The following ABCC2 variants were observed in gnomAD, a reference collection of about 807,000 sequenced individuals.
ABCC2 encodes the protein ATP-binding cassette sub-family C member 2.
In ABCC2, 157 loss-of-function variants were observed where a neutral mutation model predicts 173.4. That is an observed-to-expected ratio of 0.91 (90% CI 0.80 to 1.03). ABCC2 has a LOEUF of 1.03. ABCC2 is among the 50% of genes least tolerant of loss of function. The probability of loss-of-function intolerance (pLI) is 0.00; values close to 1 mark genes in which losing one functional copy is unlikely to be tolerated. For synonymous variants in ABCC2, 657 were observed against 693.5 expected (o/e 0.95, Z 0.83); for missense variants, 1,822 against 1,852.3 (o/e 0.98, Z 0.30).
At chr10:99,845,502 A>G (rs2039003401) in intron 28 of ABCC2, 122 bp from the exon 29 acceptor site, 5 of 1,284,760 alleles carry the variant, frequency 3.9e-6, no homozygotes, top group African/African-American at 1.5e-5. Flanking sequence ...TCAGTTTAAT[A>G]TCTTAGAGAT....
At chr10:99,812,962 C>G (rs537569318) in intron 15 of ABCC2, 56 bp from the exon 16 acceptor site, 3 of 1,604,436 alleles carry the variant, frequency 1.9e-6, no homozygotes, top group South Asian at 2.2e-5. Flanking sequence ...GTGACTTGAA[C>G]TACTCTTCAA....
At chr10:99,818,544 G>A (rs2133078184) in intron 17 of ABCC2, among the ~76,000 whole-genome samples, 1 of 152,320 alleles carries the variant, frequency 6.6e-6, no homozygotes, top group African/African-American at 2.4e-5. Flanking sequence ...TTGTCACAGG[G>A]TGACAAGCAA....
chr10:99,810,025 A>G (rs1415185989), intron 13 of ABCC2, 109 bp from the exon 14 acceptor site: 1 of 982,428 alleles, frequency 1.0e-6, no homozygotes, highest in African/African-American at 1.6e-5. Flanking sequence ...AGATTAGGAG[A>G]TGCCAGCTGT....
At chr10:99,791,357 G>A (rs962871310) in intron 2 of ABCC2, among the ~76,000 whole-genome samples, 8 of 152,164 alleles carry the variant, frequency 5.3e-5, no homozygotes, top group Admixed American at 1.3e-4. Context: ...GCCGTGAGCC[G>A]AGACTGCGCC....
chr10:99,808,100 T>A lies in ABCC2; in HGVS notation c.1686T>A (p.Phe562Leu). ...LTPVLVSVVTFSVYVLVDSNN... is the reference protein window; with the variant it reads ...LTPVLVSVVTLSVYVLVDSNN... ...CTTTCCAGGTATCTGTGGTCACATT[T>A]TCTGTTTATGTCCTGGTGGATAGCA... is the stretch of plus-strand genomic sequence containing the variant. The change falls in exon 13 of 32, where the codon TTT becomes TTA. Residue 562 changes from phenylalanine to leucine, a missense_variant. Phe to Leu is a conservative substitution (Grantham distance 22, BLOSUM62 0). Coordinates refer to ENST00000647814, the MANE Select transcript of ABCC2 (RefSeq NM_000392.5). The A allele has an allele frequency of 6.2e-7, 1 of 1,614,150 alleles. No homozygotes were observed. Among genetic ancestry groups the A allele is most frequent in the Non-Finnish European group, 8.5e-7 (1 of 1,180,004 alleles).
intron 7 of ABCC2, among the ~76,000 whole-genome samples, chr10:99,798,787 G>A (rs147251935): frequency 6.6e-4 from 100 of 152,094 alleles, no homozygotes; most frequent in African/African-American, 2.3e-3. Flanking sequence ...AGGTATTGGG[G>A]GTTAGGGCTT....
rs1241572347 is a variant in ABCC2, at chr10:99,792,955, C to T, written c.333+596C>T. On this transcript the variant is annotated intron_variant, in intron 3 of 31. Coordinates refer to ENST00000647814, the MANE Select transcript of ABCC2 (RefSeq NM_000392.5). Reference sequence around the variant, plus strand: ...TCAGGCAGAGCAATGTCAGCTGGGCCTCAGTAGCAGTGGCTCCTTTAGACC... The same window carrying T: ...TCAGGCAGAGCAATGTCAGCTGGGCTTCAGTAGCAGTGGCTCCTTTAGACC... Among the ~76,000 whole-genome samples the T allele has an allele frequency of 2.6e-5, 4 of 152,312 alleles. No individual in the cohort carries two copies. The East Asian group carries it at 7.7e-4, about 29-fold the overall frequency.
At chr10:99,793,438 C>A in intron 3 of ABCC2, 113 bp from the exon 4 acceptor site, 2 of 1,493,176 alleles carry the variant, frequency 1.3e-6, no homozygotes, top group South Asian at 1.1e-5. Context: ...AGATTAGTCA[C>A]GACAGTCTCC....
intron 2 of ABCC2, among the ~76,000 whole-genome samples, chr10:99,786,507 A>G (rs1370099707): frequency 1.3e-5 from 2 of 152,206 alleles, no homozygotes; most frequent in African/African-American, 2.4e-5. Flanking sequence ...AATAAAAGCT[A>G]TTAGTTAACT....
chr10:99,848,657 A>G (rs1411602051), intron 30 of ABCC2, among the ~76,000 whole-genome samples: 1 of 152,232 alleles, frequency 6.6e-6, no homozygotes, highest in Admixed American at 6.5e-5. Flanking sequence ...TTGTGTGCAC[A>G]TTACACTTGA....
At chr10:99,819,524 G>A (rs1442604295) in intron 19 of ABCC2, among the ~76,000 whole-genome samples, 1 of 152,172 alleles carries the variant, frequency 6.6e-6, no homozygotes, top group African/African-American at 2.4e-5. Context: ...TCTTTAGAAG[G>A]GTACAACTGA....
intron 16 of ABCC2, among the ~76,000 whole-genome samples, chr10:99,813,408 T>A (rs966068844): frequency 6.6e-6 from 1 of 152,010 alleles, no homozygotes; most frequent in Non-Finnish European, 1.5e-5. Flanking sequence ...ATTAGAGAGG[T>A]CTTCCTTCAA....
chr10:99,849,980 C>T (rs1261457604), intron 30 of ABCC2, among the ~76,000 whole-genome samples: 1 of 152,152 alleles, frequency 6.6e-6, no homozygotes, highest in African/African-American at 2.4e-5. Flanking sequence ...ATTTGAATTC[C>T]ACATACATTG....
chr10:99,825,920 C>T (rs976124374), intron 19 of ABCC2, among the ~76,000 whole-genome samples: 2 of 152,252 alleles, frequency 1.3e-5, no homozygotes, highest in African/African-American at 2.4e-5. Context: ...CCTGAAAACC[C>T]TGAGGAACAA....
At chr10:99,833,327 T>C (rs984095031) in intron 23 of ABCC2, among the ~76,000 whole-genome samples, 2 of 152,214 alleles carry the variant, frequency 1.3e-5, no homozygotes, top group African/African-American at 4.8e-5. Flanking sequence ...TTGTAATATA[T>C]ATAATCTTCT....
rs2037635833 is a variant in ABCC2 at position 99,782,689 on chromosome 10, TAACGATTA to T, written c.-153_-146del. ...AATGTAACATGCATCTAGGCAAGGTTAACGATTAAATGGTTGGGATGAAAGGTCATCCT... is the reference window on the plus strand; with the variant it reads ...AATGTAACATGCATCTAGGCAAGGTTAATGGTTGGGATGAAAGGTCATCCT... On this transcript the variant is annotated 5_prime_UTR_variant, in exon 1 of 32. In the 5' UTR this introduces an upstream ATG that the reference lacks. Coordinates refer to ENST00000647814, the MANE Select transcript of ABCC2 (RefSeq NM_000392.5). 1.2e-6 allele frequency: 1 copy of T among 859,568 alleles called. No individual in the cohort carries two copies. Among genetic ancestry groups the T allele is most frequent in the African/African-American group, 1.7e-5 (1 of 59,848 alleles). 53.2% of individuals were successfully genotyped at this position (859,568 alleles called of 1,614,324 possible). A position where few individuals can be genotyped will look rare whatever the true frequency, so the allele number is the denominator to read the frequency against.
At chr10:99,799,096 T>G (rs2037967960) in intron 7 of ABCC2, 111 bp from the exon 8 acceptor site, 1 of 1,231,986 alleles carries the variant, frequency 8.1e-7, no homozygotes, top group African/African-American at 1.5e-5. Flanking sequence ...GGAGAGATGA[T>G]CAAAACCTGT....
intron 9 of ABCC2, 82 bp downstream of exon 9, chr10:99,800,645 A>G (rs1044276507): frequency 3.4e-6 from 5 of 1,487,534 alleles, no homozygotes; most frequent in Non-Finnish European, 3.7e-6. Context: ...GGAAAATGTG[A>G]TGGAAATGGT....
intron 31 of ABCC2, 128 bp from the exon 32 acceptor site, chr10:99,851,374 G>A: frequency 9.9e-7 from 1 of 1,008,120 alleles, no homozygotes; most frequent in Non-Finnish European, 1.6e-6. Context: ...TGTAGCTGTG[G>A]CTCATTGATT....
Sources: allele counts gnomAD v4.1 joint callset (sites outside exome capture counted in the v4.1 genomes callset), GRCh38; gene constraint gnomAD v4.1.1; transcripts MANE v1.5; gene names NCBI Gene and HGNC (gene_info 2026-07-23, HGNC 2026-07-21).